LRRK2: variants seen among roughly 807,000 people sequenced by gnomAD.
LRRK2 encodes leucine rich repeat kinase 2.
In LRRK2, 203 loss-of-function variants were observed where a neutral mutation model predicts 302.6. The observed-to-expected ratio is 0.67, with a 90% CI of 0.60 to 0.75. The LOEUF (loss-of-function observed/expected upper bound fraction) is 0.75. Among genes scored for constraint, LRRK2 ranks in the 30% least tolerant of loss-of-function variants. LRRK2 has a pLI of 0.00. For synonymous variants in LRRK2, 1,066 were observed against 1,031.9 expected, an observed-to-expected ratio of 1.03 and a Z score of -0.63; for missense variants, 2,830 against 2,951.0, an observed-to-expected ratio of 0.96 and a Z score of 0.95.
intron 31 of LRRK2, among the ~76,000 whole-genome samples, chr12:40,313,349 G>A (rs777888584): frequency 6.6e-6 from 1 of 151,842 alleles, no homozygotes; most frequent in Non-Finnish European, 1.5e-5. Flanking sequence ...ATAGTGATTA[G>A]ATTCTAAGAG....
At chr12:40,351,414 G>A (rs1946347208) in intron 43 of LRRK2, 125 bp from the exon 44 acceptor site, 2 of 751,628 alleles carry the variant, frequency 2.7e-6, no homozygotes, top group East Asian at 2.7e-5. Flanking sequence ...TGATCTAGTT[G>A]GGTTCCAGTT....
Position 40,308,499 on chromosome 12 carries a change from C to T in LRRK2, c.3992C>T (p.Pro1331Leu). 1 of 1,613,808 alleles carries T rather than the reference C, an allele frequency of 6.2e-7. No homozygotes were observed. The highest frequency in any genetic ancestry group is 8.5e-7 in the Non-Finnish European group (1 of 1,179,906). The stretch of plus-strand genomic sequence containing the variant: ...CAACAGCGATTAAAAAAGGCTGTGC[C>T]TTATAACCGAATGAAACTTATGATT... Reference protein sequence around the residue: ...FLQQRLKKAVPYNRMKLMIVG... With the variant: ...FLQQRLKKAVLYNRMKLMIVG... Residue 1331 changes from proline to leucine, a missense_variant, in exon 29 of 51, where the codon CCT becomes CTT. Coordinates refer to ENST00000298910, the MANE Select transcript of LRRK2 (RefSeq NM_198578.4).
chr12:40,233,166 G>T (rs758656131), intron 3 of LRRK2, among the ~76,000 whole-genome samples: 1 of 152,068 alleles, frequency 6.6e-6, no homozygotes, highest in Non-Finnish European at 1.5e-5. Flanking sequence ...GCAGTGAGCC[G>T]AGATTGCACC....
At position 40,295,535 on chromosome 12, in the gene LRRK2, A is replaced by T. The variant is rs886049358; in HGVS notation, c.2987A>T (p.Asp996Val). 1 of 1,613,920 alleles carries T rather than the reference A, an allele frequency of 6.2e-7. No individual in the cohort carries two copies. Among genetic ancestry groups the T allele is most frequent in the African/African-American group, 1.3e-5 (1 of 74,936 alleles). The change falls in exon 23 of 51, where the codon GAT becomes GTT. Residue 996 changes from aspartate to valine, a missense_variant. By Grantham distance (152) the Asp-to-Val change is radical. Transcript: ENST00000298910. ...SLDLSANELR[D>V]IDALSQKCCI... ...GACCTTTCAGCAAATGAACTAAGAG[A>T]TATTGATGCCCTAAGCCAGAAATGC... is the stretch of plus-strand genomic sequence containing the variant.
Position 40,287,351 on chromosome 12 carries a change from A to T in LRRK2, c.2501A>T (p.Asn834Ile). The change falls in exon 20 of 51, where the codon AAT becomes ATT. Residue 834 changes from asparagine (N) to isoleucine (I), a missense_variant and splice_region_variant. Coordinates refer to ENST00000298910, the MANE Select transcript of LRRK2 (RefSeq NM_198578.4). ...TTGCTGGTGTATCTCTTATTTTCAGATATAGCATCTACACTAGCAAGAATG... is the reference window on the plus strand; with the variant it reads ...TTGCTGGTGTATCTCTTATTTTCAGTTATAGCATCTACACTAGCAAGAATG... ...DKTSNLRKQT[N>I]IASTLARMVI... is the part of the protein sequence containing the mutation. The T allele has an allele frequency of 6.2e-7, 1 of 1,611,250 alleles. No homozygotes were observed. Among genetic ancestry groups the T allele is most frequent in the Non-Finnish European group, 8.5e-7 (1 of 1,178,260 alleles).
chr12:40,248,411 T>C (rs975720590), intron 7 of LRRK2, among the ~76,000 whole-genome samples: 2 of 152,208 alleles, frequency 1.3e-5, no homozygotes, highest in African/African-American at 2.4e-5. Context: ...GTAACTTTTG[T>C]ATTATTCTGT....
chr12:40,265,942 T>G (rs1942991425), intron 14 of LRRK2, among the ~76,000 whole-genome samples: 1 of 152,210 alleles, frequency 6.6e-6, no homozygotes, highest in African/African-American at 2.4e-5. Flanking sequence ...GAAAACTGGC[T>G]AGCCATATGT....
In LRRK2 at chr12:40,249,950, G is replaced by A; in HGVS notation, c.958+5G>A. 2 of 1,613,458 alleles carry A rather than the reference G, an allele frequency of 1.2e-6. No homozygotes were observed. The highest frequency in any genetic ancestry group is 1.1e-5 in the South Asian group (1 of 91,046). On this transcript the variant is annotated splice_donor_5th_base_variant and intron_variant, in intron 8 of 50. Transcript: ENST00000298910. ...TCAGCTGTTTGGCCCTCCTCAGTAA[G>A]TAACTTCACTAAAAAGGGGATTCTT...
intron 7 of LRRK2, among the ~76,000 whole-genome samples, chr12:40,245,069 C>T: frequency 6.7e-6 from 1 of 149,028 alleles, no homozygotes; most frequent in Non-Finnish European, 1.5e-5. Context: ...TTTATGGTGG[C>T]TTTTGTGATA....
chr12:40,327,428 C>A (rs1160113157), intron 38 of LRRK2, among the ~76,000 whole-genome samples: 1 of 152,118 alleles, frequency 6.6e-6, no homozygotes, highest in African/African-American at 2.4e-5. Context: ...AATCTTTGAA[C>A]CCAGACATTA....
chr12:40,349,558 G>GGCTGGAGT (rs59096461), intron 43 of LRRK2, among the ~76,000 whole-genome samples: 1 of 151,536 alleles, frequency 6.6e-6, no homozygotes, highest in African/African-American at 2.4e-5. Context: ...CTGTCACCCA[G>GGCTGGAGT]GCTGGAGTGC....
chr12:40,261,213 A>G (rs1363690549), intron 13 of LRRK2, among the ~76,000 whole-genome samples: 1 of 152,202 alleles, frequency 6.6e-6, no homozygotes, highest in East Asian at 1.9e-4. Flanking sequence ...ATTAAAAACA[A>G]TAAAAATGCC....
intron 41 of LRRK2, among the ~76,000 whole-genome samples, chr12:40,344,957 T>A (rs1200261245): frequency 6.6e-6 from 1 of 152,172 alleles, no homozygotes; most frequent in Non-Finnish European, 1.5e-5. Context: ...TAGTAGGGGT[T>A]ATCATACTCA....
chr12:40,309,238 T>G lies in LRRK2; in HGVS notation c.4317+5T>G, dbSNP rs773764692. 9 of 1,612,480 alleles carry G rather than the reference T, an allele frequency of 5.6e-6. No individual in the cohort carries two copies. The Admixed American group carries it at 1.3e-4, about 24-fold the overall frequency. The stretch of plus-strand genomic sequence containing the variant: ...CCTTGGCTCTTCAATATAAAGGTGA[T>G]TTGTTCTGATCATTTGAAAATAGAA... On this transcript the variant is annotated splice_donor_5th_base_variant and intron_variant, in intron 30 of 50. Transcript: ENST00000298910.
rs774814350 is a variant in LRRK2, at chr12:40,295,585, C to T, written c.3037C>T (p.Leu1013Phe). The T allele has an allele frequency of 6.2e-7, 1 of 1,614,028 alleles. No homozygotes were observed. The highest frequency in any genetic ancestry group is 2.2e-5 in the East Asian group (1 of 44,868). ...CTGTATAAGTGTTCATTTGGAGCAT[C>T]TTGAAAAGCTGGAGCTTCACCAGAA... is the stretch of plus-strand genomic sequence containing the variant. ...KCCISVHLEHLEKLELHQNAL... is the reference protein window; with the variant it reads ...KCCISVHLEHFEKLELHQNAL... Residue 1013 changes from leucine (L) to phenylalanine (F), a missense_variant, in exon 23 of 51, where the codon CTT becomes TTT. This residue lies in a region of LRRK2 where 2,121 missense variants were observed against 2,148.0 expected (regional missense o/e 0.99). Transcript: ENST00000298910.
intron 20 of LRRK2, among the ~76,000 whole-genome samples, chr12:40,289,247 A>G (rs890908047): frequency 6.6e-6 from 1 of 151,672 alleles, no homozygotes; most frequent in Non-Finnish European, 1.5e-5. Context: ...AGCATTATTT[A>G]TTCTGTGCCA....
rs900847575 is a variant in LRRK2 at position 40,364,833 on chromosome 12, T to C, written c.7182-9T>C. The C allele has an allele frequency of 6.3e-7, 1 of 1,589,518 alleles. No individual in the cohort carries two copies. The highest frequency in any genetic ancestry group is 8.6e-7 in the Non-Finnish European group (1 of 1,158,952). ...GGTAAAATTATTAATGTATACTTTATGGTTCTAGGGAGGTAATGGTAAAAG... is the reference window on the plus strand; with the variant it reads ...GGTAAAATTATTAATGTATACTTTACGGTTCTAGGGAGGTAATGGTAAAAG... On this transcript the variant is annotated splice_polypyrimidine_tract_variant and intron_variant, in intron 48 of 50. Coordinates refer to ENST00000298910, the MANE Select transcript of LRRK2 (RefSeq NM_198578.4).
Position 40,262,246 on chromosome 12 carries a change from A to T in LRRK2, c.1544-1543A>T, listed in dbSNP as rs892010130. 2.6e-5 allele frequency among the ~76,000 whole-genome samples: 4 copies of T among 152,262 alleles called. No individual in the cohort carries two copies. The East Asian group carries it at 7.7e-4, about 29-fold the overall frequency. Reference sequence around the variant, plus strand: ...GTAATAATACCAAACAATATGGAGGACTTAAAAAGTATTAGGCATTGTTTG... The same window carrying T: ...GTAATAATACCAAACAATATGGAGGTCTTAAAAAGTATTAGGCATTGTTTG... On this transcript the variant is annotated intron_variant, in intron 13 of 50. Coordinates refer to ENST00000298910, the MANE Select transcript of LRRK2 (RefSeq NM_198578.4).
At chr12:40,327,457 C>A (rs1945588239) in intron 38 of LRRK2, among the ~76,000 whole-genome samples, 1 of 152,076 alleles carries the variant, frequency 6.6e-6, no homozygotes. Context: ...AAAAGCTCCT[C>A]AGATGTACTA....
Sources: gnomAD v4.1 joint callset for allele counts (sites outside exome capture counted in the v4.1 genomes callset) on GRCh38, gnomAD v4.1.1 for gene constraint, gnomAD v4.1.1 regional missense constraint, MANE v1.5 for transcripts, NCBI Gene and HGNC (gene_info 2026-07-23, HGNC 2026-07-21) for gene names.